The following BICC1 variants were observed in gnomAD, a reference collection of about 807,000 sequenced individuals.
BICC1 encodes the protein protein bicaudal C homolog 1.
BICC1 carries 43 observed loss-of-function variants against 111.0 expected under a neutral mutation model. The observed-to-expected ratio is 0.39, with a 90% CI of 0.30 to 0.50. The LOEUF (loss-of-function observed/expected upper bound fraction) is 0.50, where lower values mean the gene tolerates loss of function less well. BICC1 is among the 20% of genes least tolerant of loss of function. The pLI is 0.88. For synonymous variants in BICC1, 467 were observed against 434.4 expected (o/e 1.07, Z -0.93); for missense variants, 1,091 against 1,203.2 (o/e 0.91, Z 1.38).
chr10:58,711,799 TTTTTTTTTG>T (rs1203580380), intron 3 of BICC1, among the ~76,000 whole-genome samples: 1 of 27,676 alleles, frequency 3.6e-5, no homozygotes, highest in Non-Finnish European at 1.1e-4. Context: ...TCTGGTAGTT[TTTTTTTTTG>T]TTTTTTTTTT....
chr10:58,722,910 A>G (rs1840985045), intron 3 of BICC1, among the ~76,000 whole-genome samples: 1 of 152,128 alleles, frequency 6.6e-6, no homozygotes, highest in South Asian at 2.1e-4. Flanking sequence ...ACCTGGAGCG[A>G]CCCCTTGCAG....
chr10:58,540,081 A>G (rs1368680249), intron 1 of BICC1, among the ~76,000 whole-genome samples: 5 of 152,038 alleles, frequency 3.3e-5, no homozygotes, highest in African/African-American at 4.8e-5. Context: ...AAAAATGAAT[A>G]TGAAAACACA....
intron 1 of BICC1, among the ~76,000 whole-genome samples, chr10:58,589,900 G>T (rs1210989439): frequency 6.6e-6 from 1 of 152,002 alleles, no homozygotes; most frequent in African/African-American, 2.4e-5. Context: ...TGAACTCGTG[G>T]CCTCAAGCGA....
At chr10:58,739,729 A>G (rs1000655270) in intron 3 of BICC1, among the ~76,000 whole-genome samples, 1 of 152,150 alleles carries the variant, frequency 6.6e-6, no homozygotes, top group Admixed American at 6.6e-5. Flanking sequence ...CTATATATAG[A>G]TATATGTACA....
At chr10:58,793,762 GA>G in intron 9 of BICC1, 147 bp downstream of exon 9, 4 of 895,782 alleles carry the variant, frequency 4.5e-6, no homozygotes, top group Non-Finnish European at 6.5e-6. Flanking sequence ...TCCAAAAGCT[GA>G]ATCTTTTTTA....
intron 1 of BICC1, among the ~76,000 whole-genome samples, chr10:58,521,789 T>G (rs1381554796): frequency 0.029 from 1,185 of 41,108 alleles, 36 homozygotes; most frequent in Middle Eastern, 0.1. Context: ...TTTTTTTTTT[T>G]TTTTTTTTTT....
Position 58,708,637 on chromosome 10 carries a change from C to T in BICC1, c.307+6494C>T, listed in dbSNP as rs574554725. Reference sequence around the variant, plus strand: ...TTGGTTGGACCAGGTGTGATGTTTACATAGCACGTGAAGAAGCTGGCCACT... The same window carrying T: ...TTGGTTGGACCAGGTGTGATGTTTATATAGCACGTGAAGAAGCTGGCCACT... On this transcript the variant is annotated intron_variant, in intron 3 of 20. Transcript: ENST00000373886. Among the ~76,000 whole-genome samples, 5 of 152,330 alleles carry T rather than the reference C, an allele frequency of 3.3e-5. No homozygotes were observed. In the South Asian group the frequency reaches 1.0e-3, roughly 32 times the overall value.
intron 3 of BICC1, among the ~76,000 whole-genome samples, chr10:58,729,207 T>G (rs1841209366): frequency 6.6e-6 from 1 of 152,220 alleles, no homozygotes; most frequent in African/African-American, 2.4e-5. Context: ...AGAAGGCTGT[T>G]TTGTCTACGT....
chr10:58,714,772 A>T (rs990811721), intron 3 of BICC1, among the ~76,000 whole-genome samples: 4 of 151,924 alleles, frequency 2.6e-5, no homozygotes, highest in African/African-American at 9.7e-5. Context: ...GAATTCAGGG[A>T]CATCTATCAG....
chr10:58,824,528 C>T (rs868082298), intron 20 of BICC1, among the ~76,000 whole-genome samples: 1 of 152,152 alleles, frequency 6.6e-6, no homozygotes, highest in Non-Finnish European at 1.5e-5. Flanking sequence ...TCCTCCAGAA[C>T]TTGGCCATAG....
At chr10:58,641,655 A>G (rs1838127502) in intron 2 of BICC1, among the ~76,000 whole-genome samples, 1 of 152,118 alleles carries the variant, frequency 6.6e-6, no homozygotes, top group South Asian at 2.1e-4. Context: ...TATCATTTGT[A>G]TTTTAGGAAA....
chr10:58,514,192 A>G (rs1216780198), intron 1 of BICC1, among the ~76,000 whole-genome samples: 1 of 152,234 alleles, frequency 6.6e-6, no homozygotes. Flanking sequence ...TTCTTAAAAC[A>G]GATAATTACT....
intron 2 of BICC1, among the ~76,000 whole-genome samples, chr10:58,641,396 A>G (rs2132215062): frequency 6.6e-6 from 1 of 152,100 alleles, no homozygotes; most frequent in African/African-American, 2.4e-5. Context: ...TTGCAGATTC[A>G]GAGGCAGATG....
intron 1 of BICC1, among the ~76,000 whole-genome samples, chr10:58,572,775 T>G (rs987819489): frequency 1.4e-4 from 21 of 152,002 alleles, no homozygotes; most frequent in Non-Finnish European, 3.1e-4. Flanking sequence ...ATCTGGGAGA[T>G]GGGAAATGTG....
At chr10:58,633,176 A>G (rs1837850315) in intron 2 of BICC1, among the ~76,000 whole-genome samples, 1 of 152,192 alleles carries the variant, frequency 6.6e-6, no homozygotes, top group Admixed American at 6.5e-5. Context: ...GTTCCCCTGC[A>G]CAAGCCCTGT....
In BICC1 at chr10:58,831,353, A is replaced by G. The variant is rs980972264; in HGVS notation, c.*2462A>G. 5.9e-5 allele frequency: 9 copies of G among 152,298 alleles called. No homozygotes were observed. Among genetic ancestry groups the G allele is most frequent in the African/African-American group, 1.4e-4 (6 of 41,580 alleles). 9.4% of individuals were successfully genotyped at this position (152,298 alleles called of 1,614,324 possible). ...TCCAAAAACGAGAGATGGAATTAAC[A>G]TTGAAAATGGGAAATTTTTCTAACT... On this transcript the variant is annotated 3_prime_UTR_variant, in exon 21 of 21. Coordinates refer to ENST00000373886, the MANE Select transcript of BICC1 (RefSeq NM_001080512.3).
intron 11 of BICC1, 63 bp downstream of exon 11, chr10:58,798,623 A>C: frequency 2.9e-6 from 4 of 1,380,890 alleles, no homozygotes; most frequent in Non-Finnish European, 3.8e-6. Flanking sequence ...TTTTTAAATA[A>C]AATTTACGAA....
At chr10:58,811,731 T>G (rs965963200) in intron 17 of BICC1, among the ~76,000 whole-genome samples, 4 of 151,982 alleles carry the variant, frequency 2.6e-5, no homozygotes, top group African/African-American at 9.7e-5. Flanking sequence ...GTAACAAGAG[T>G]CTCTGTTACA....
chr10:58,796,466 G>T lies in BICC1; in HGVS notation c.1306G>T (p.Gly436Cys), dbSNP rs770876712. The stretch of plus-strand genomic sequence containing the variant: ...TCCATCCCCAGCATCCTGCCCTGCC[G>T]GCCTGGCATGTCCCAGCCTGGATAT... ...TSPSPASCPA[G>C]LACPSLDILA... The change falls in exon 10 of 21, where the codon GGC becomes TGC. Residue 436 changes from glycine (G) to cysteine (C), a missense_variant. This residue lies in a region of BICC1 where 843 missense variants were observed against 900.8 expected (regional missense o/e 0.94). Coordinates refer to ENST00000373886, the MANE Select transcript of BICC1 (RefSeq NM_001080512.3). The T allele has an allele frequency of 2.5e-6, 4 of 1,614,090 alleles. No homozygotes were observed. Among genetic ancestry groups the T allele is most frequent in the Non-Finnish European group, 3.4e-6 (4 of 1,179,982 alleles).
Sources: gnomAD v4.1 joint callset for allele counts (sites outside exome capture counted in the v4.1 genomes callset) on GRCh38, gnomAD v4.1.1 for gene constraint, gnomAD v4.1.1 regional missense constraint, MANE v1.5 for transcripts, NCBI Gene and HGNC (gene_info 2026-07-23, HGNC 2026-07-21) for gene names.